The following SOX6 variants were observed in gnomAD, a reference collection of about 807,000 sequenced individuals.
SOX6 encodes the protein SRY-box transcription factor 6.
Under a neutral mutation model 97.8 loss-of-function variants are expected in SOX6, and 11 were observed. The ratio of observed to expected loss-of-function variants is 0.11; its 90% CI spans 0.07 to 0.19. SOX6 has a LOEUF of 0.19. Among genes scored for constraint, SOX6 ranks in the 10% least tolerant of loss-of-function variants. The probability of loss-of-function intolerance (pLI) is 1.00; values close to 1 mark genes in which losing one functional copy is unlikely to be tolerated. For synonymous variants in SOX6, 360 were observed against 371.4 expected (o/e 0.97, Z 0.35); for missense variants, 810 against 1,039.5 (o/e 0.78, Z 3.04).
intron 2 of SOX6, among the ~76,000 whole-genome samples, chr11:16,339,528 T>C (rs1856562141): frequency 6.6e-6 from 1 of 152,082 alleles, no homozygotes; most frequent in African/African-American, 2.4e-5. Context: ...TAACCATTTA[T>C]TCTAAATTAG....
intron 3 of SOX6, among the ~76,000 whole-genome samples, chr11:16,712,968 T>C (rs1357968628): frequency 6.6e-6 from 1 of 152,168 alleles, no homozygotes; most frequent in Non-Finnish European, 1.5e-5. Context: ...CACTATATCA[T>C]GCTGCCACCT....
chr11:16,360,480 G>T (rs986788809), upstream of SOX6, among the ~76,000 whole-genome samples: 3 of 152,072 alleles, frequency 2.0e-5, no homozygotes, highest in Admixed American at 6.6e-5. Context: ...ATATGTATTT[G>T]TTTCCTCCTA....
chr11:16,598,296 T>C (rs1301532498), intron 4 of SOX6, among the ~76,000 whole-genome samples: 1 of 152,032 alleles, frequency 6.6e-6, no homozygotes, highest in Non-Finnish European at 1.5e-5. Context: ...ACACAGAAGG[T>C]TCAATGCCCA....
intron 1 of SOX6, among the ~76,000 whole-genome samples, chr11:16,377,845 C>A (rs867475272): frequency 1.3e-5 from 2 of 152,082 alleles, no homozygotes; most frequent in Admixed American, 1.3e-4. Context: ...ATATTAATTT[C>A]GAACTCATTA....
chr11:16,105,001 A>C (rs997615542), intron 7 of SOX6, among the ~76,000 whole-genome samples: 1 of 148,676 alleles, frequency 6.7e-6, no homozygotes, highest in African/African-American at 2.5e-5. Context: ...AAACTCTTAC[A>C]AAAAAAAAAT....
At chr11:16,129,025 A>ATTT (rs34756324) in intron 6 of SOX6, among the ~76,000 whole-genome samples, 9 of 119,254 alleles carry the variant, frequency 7.5e-5, no homozygotes, top group African/African-American at 1.2e-4. Context: ...CATGCCTGGC[A>ATTT]TTTTTTTTTT....
chr11:16,295,688 C>T (rs1388918687), intron 3 of SOX6, among the ~76,000 whole-genome samples: 1 of 152,058 alleles, frequency 6.6e-6, no homozygotes, highest in African/African-American at 2.4e-5. Context: ...TAAAGTAAAA[C>T]ATGTCAACAT....
At chr11:16,594,594 A>C (rs1025725423) in intron 4 of SOX6, among the ~76,000 whole-genome samples, 6 of 150,766 alleles carry the variant, frequency 4.0e-5, no homozygotes, top group Non-Finnish European at 8.8e-5. Context: ...TGTTCCTGAG[A>C]CTCAATTGAT....
chr11:16,177,621 A>ATC (rs71044087), intron 6 of SOX6, among the ~76,000 whole-genome samples: 2,182 of 145,750 alleles, frequency 0.015, 39 homozygotes, highest in African/African-American at 0.039. Flanking sequence ...GAATAAGATG[A>ATC]TCTCTCTCTC....
chr11:16,676,065 C>G (rs1339793955), intron 3 of SOX6, among the ~76,000 whole-genome samples: 2 of 145,064 alleles, frequency 1.4e-5, no homozygotes, highest in Non-Finnish European at 3.1e-5. Context: ...CATAACAGTC[C>G]CACAGGTTTC....
At position 16,269,482 on chromosome 11, in the gene SOX6, T is replaced by C. The variant is rs554562368; in HGVS notation, c.446-34811A>G. Reference sequence around the variant, plus strand: ...AACTTCGGGGAATGTGTTACATTTATAAATTATAAATTTATAAAAATTTAA... The same window carrying C: ...AACTTCGGGGAATGTGTTACATTTACAAATTATAAATTTATAAAAATTTAA... On this transcript the variant is annotated intron_variant, in intron 3 of 15. Coordinates refer to ENST00000683767, the MANE Select transcript of SOX6 (RefSeq NM_001367873.1). Among the ~76,000 whole-genome samples the C allele has an allele frequency of 4.0e-5, 6 of 150,860 alleles. No individual in the cohort carries two copies. In the East Asian group the frequency reaches 7.7e-4, roughly 19 times the overall value.
At chr11:16,380,238 G>A (rs753080176) in intron 1 of SOX6, among the ~76,000 whole-genome samples, 7 of 151,938 alleles carry the variant, frequency 4.6e-5, no homozygotes, top group Non-Finnish European at 8.8e-5. Context: ...ATGCCATAGG[G>A]AAATGCTCAC....
chr11:16,545,813 G>T (rs1171430657), intron 4 of SOX6, among the ~76,000 whole-genome samples: 2 of 152,090 alleles, frequency 1.3e-5, no homozygotes, highest in South Asian at 4.1e-4. Context: ...TTAGCCAAGT[G>T]TGATGGTGCA....
At chr11:16,188,136 G>C (rs1187204674) in intron 4 of SOX6, among the ~76,000 whole-genome samples, 2 of 149,520 alleles carry the variant, frequency 1.3e-5, no homozygotes, top group African/African-American at 4.9e-5. Context: ...GCTAGCACTT[G>C]TTAGTATATG....
chr11:16,269,809 C>A (rs1590079378), intron 3 of SOX6: 1 of 151,076 alleles, frequency 6.6e-6, no homozygotes, highest in Admixed American at 6.6e-5. Flanking sequence ...AAGAATTTTT[C>A]TTTTATTATA....
intron 3 of SOX6, among the ~76,000 whole-genome samples, chr11:16,689,822 T>C (rs1203620231): frequency 6.6e-6 from 1 of 152,178 alleles, no homozygotes; most frequent in Non-Finnish European, 1.5e-5. Flanking sequence ...AGAGAGGTCA[T>C]CATTTGTTTA....
chr11:16,486,615 C>G (rs1232073511), intron 4 of SOX6, among the ~76,000 whole-genome samples: 1 of 152,128 alleles, frequency 6.6e-6, no homozygotes, highest in Non-Finnish European at 1.5e-5. Flanking sequence ...AATCCCAACA[C>G]CTTGGGAGGC....
chr11:16,486,402 T>A (rs1434414004), intron 4 of SOX6, among the ~76,000 whole-genome samples: 4 of 152,208 alleles, frequency 2.6e-5, no homozygotes, highest in Non-Finnish European at 4.4e-5. Flanking sequence ...TTTTTTAAGA[T>A]CTTTTTTTTC....
intron 4 of SOX6, among the ~76,000 whole-genome samples, chr11:16,510,329 C>T (rs540436455): frequency 1.3e-5 from 2 of 152,094 alleles, no homozygotes; most frequent in African/African-American, 4.8e-5. Flanking sequence ...GAGTCAATGG[C>T]CTATTTATCT....
Sources: allele counts gnomAD v4.1 joint callset (sites outside exome capture counted in the v4.1 genomes callset), GRCh38; gene constraint gnomAD v4.1.1; transcripts MANE v1.5; gene names NCBI Gene and HGNC (gene_info 2026-07-23, HGNC 2026-07-21).